The following USP12 variants were observed in gnomAD, a reference collection of about 807,000 sequenced individuals.
USP12 encodes the protein ubiquitin carboxyl-terminal hydrolase 12.
In USP12, 19 loss-of-function variants were observed where a neutral mutation model predicts 45.5. The ratio of observed to expected loss-of-function variants is 0.42; its 90% CI spans 0.29 to 0.61. USP12 has a LOEUF of 0.61. Ranked by LOEUF, USP12 falls within the 20% of genes least tolerant of loss-of-function variation. USP12 has a pLI of 0.22. For missense variants in USP12, 242 were observed against 447.7 expected (o/e 0.54, Z 4.15); for synonymous variants, 149 against 148.8 (o/e 1.00, Z -0.01).
intron 3 of USP12, 67 bp downstream of exon 3, chr13:27,105,664 C>T (rs1875099033): frequency 2.1e-6 from 3 of 1,456,312 alleles, no homozygotes; most frequent in African/African-American, 1.4e-5. Flanking sequence ...TCAGTAAGTG[C>T]TGGAATTATG....
At chr13:27,126,747 G>T (rs1385423388) in intron 1 of USP12, among the ~76,000 whole-genome samples, 1 of 152,164 alleles carries the variant, frequency 6.6e-6, no homozygotes, top group Non-Finnish European at 1.5e-5. Flanking sequence ...CAGCACTACT[G>T]TAGAGTTACC....
At chr13:27,107,706 C>T (rs561695346) in intron 2 of USP12, among the ~76,000 whole-genome samples, 1 of 152,284 alleles carries the variant, frequency 6.6e-6, no homozygotes, top group African/African-American at 2.4e-5. Flanking sequence ...ATGGCTGATA[C>T]AAGATCTGCG....
intron 1 of USP12, among the ~76,000 whole-genome samples, chr13:27,154,013 T>G (rs1221305244): frequency 1.3e-5 from 2 of 152,232 alleles, no homozygotes; most frequent in East Asian, 3.8e-4. Flanking sequence ...AATTAGAGCT[T>G]CTTCTGATAC....
chr13:27,121,173 T>C (rs187072985), intron 1 of USP12, among the ~76,000 whole-genome samples: 63 of 152,246 alleles, frequency 4.1e-4, no homozygotes, highest in Admixed American at 2.7e-3. Flanking sequence ...AACAGCAAGA[T>C]AACTTGCTTG....
Position 27,105,821 on chromosome 13 carries a change from C to T in USP12, c.253G>A (p.Ala85Thr). The T allele has an allele frequency of 6.2e-7, 1 of 1,613,842 alleles. No individual in the cohort carries two copies. The stretch of plus-strand genomic sequence containing the variant: ...GTGGCTATGCTATGGAAGAGATCTG[C>T]TAAGCATGTAAGAAGGCTCTCCTTT... ...RKKESLLTCL[A>T]DLFHSIATQK... The change falls in exon 3 of 9, where the codon GCA becomes ACA. Residue 85 changes from alanine (A) to threonine (T), a missense_variant. By Grantham distance (58) the Ala-to-Thr change is moderately conservative (BLOSUM62 0). This residue lies in a region of USP12 where 77 missense variants were observed against 153.7 expected (regional missense o/e 0.50). Transcript: ENST00000282344.
At chr13:27,103,761 AAG>A (rs1218273132) in intron 3 of USP12, among the ~76,000 whole-genome samples, 5,447 of 147,276 alleles carry the variant, frequency 0.037, 114 homozygotes, top group Admixed American at 0.062. Flanking sequence ...AAAAAAAAAA[AAG>A]AGAGAGAGAC....
intron 1 of USP12, among the ~76,000 whole-genome samples, chr13:27,146,202 G>A (rs1054277168): frequency 6.6e-6 from 1 of 152,156 alleles, no homozygotes; most frequent in Non-Finnish European, 1.5e-5. Context: ...AGGAGTTCGA[G>A]ACCAGCCCAG....
At chr13:27,116,370 CATTTCAA>C (rs1422314894) in intron 2 of USP12, 139 bp downstream of exon 2, 1 of 440,948 alleles carries the variant, frequency 2.3e-6, no homozygotes, top group African/African-American at 2.1e-5. Flanking sequence ...CCTTAAAGAT[CATTTCAA>C]AATTCCCAAT....
intron 1 of USP12, chr13:27,169,237 G>T (rs1207706725): frequency 1.3e-5 from 2 of 152,214 alleles, no homozygotes; most frequent in Non-Finnish European, 2.9e-5. Context: ...GTATGAAGGG[G>T]ATGGAGGGTC....
chr13:27,162,978 T>C (rs1593217674), intron 1 of USP12: 1 of 152,334 alleles, frequency 6.6e-6, no homozygotes, highest in East Asian at 1.9e-4. Context: ...AATTTTCCAA[T>C]AGTGGTTGTT....
At chr13:27,118,225 C>T (rs572617258) in intron 1 of USP12, among the ~76,000 whole-genome samples, 30 of 152,012 alleles carry the variant, frequency 2.0e-4, no homozygotes, top group African/African-American at 6.5e-4. Flanking sequence ...AATTTCCTGA[C>T]AGCTCTAGGC....
chr13:27,163,000 TA>T (rs1878179286), intron 1 of USP12: 1 of 152,216 alleles, frequency 6.6e-6, no homozygotes, highest in Non-Finnish European at 1.5e-5. Flanking sequence ...AGTTGGCTCT[TA>T]AACAAGGAGG....
intron 4 of USP12, among the ~76,000 whole-genome samples, chr13:27,092,758 T>C (rs980886308): frequency 6.6e-6 from 1 of 152,222 alleles, no homozygotes; most frequent in Non-Finnish European, 1.5e-5. Flanking sequence ...TGAAAAACTA[T>C]ATAATTCCTA....
At chr13:27,117,628 T>TGTG in intron 1 of USP12, 37 of 350,174 alleles carry the variant, frequency 1.1e-4, no homozygotes, top group Middle Eastern at 4.2e-4. Context: ...TGTGTGTGTG[T>TGTG]TTAATAGCAC....
intron 1 of USP12, among the ~76,000 whole-genome samples, chr13:27,162,073 G>A (rs1404661580): frequency 1.3e-5 from 2 of 152,122 alleles, no homozygotes; most frequent in East Asian, 1.9e-4. Flanking sequence ...ACAGTCCACA[G>A]TATCTTAATG....
intron 7 of USP12, 48 bp from the exon 8 acceptor site, chr13:27,071,197 C>T (rs778390019): frequency 6.8e-7 from 1 of 1,466,030 alleles, no homozygotes; most frequent in Non-Finnish European, 9.2e-7. Flanking sequence ...ATTAATATTA[C>T]TCTTTCATGC....
intron 7 of USP12, among the ~76,000 whole-genome samples, chr13:27,073,886 C>T (rs1873354022): frequency 6.6e-6 from 1 of 152,102 alleles, no homozygotes; most frequent in Non-Finnish European, 1.5e-5. Flanking sequence ...TACTGAGATC[C>T]AAGTTTCTCT....
chr13:27,161,679 T>G (rs554738509), intron 1 of USP12, among the ~76,000 whole-genome samples: 16 of 152,106 alleles, frequency 1.1e-4, no homozygotes, highest in Non-Finnish European at 2.4e-4. Flanking sequence ...GAGACCAGCC[T>G]GGGCAACATG....
intron 7 of USP12, among the ~76,000 whole-genome samples, chr13:27,072,392 T>C (rs1256421760): frequency 3.3e-5 from 5 of 152,086 alleles, no homozygotes; most frequent in Admixed American, 2.6e-4. Context: ...TGAGGAACAG[T>C]AGACAAAAGT....
Sources: gnomAD v4.1 joint callset for allele counts (sites outside exome capture counted in the v4.1 genomes callset) on GRCh38, gnomAD v4.1.1 for gene constraint, gnomAD v4.1.1 regional missense constraint, MANE v1.5 for transcripts, NCBI Gene and HGNC (gene_info 2026-07-23, HGNC 2026-07-21) for gene names.